Variants in SLC15A5 observed in about 807,000 individuals in gnomAD.
SLC15A5 encodes the protein Peptide/histidine transporter ENSP00000340402.
A neutral mutation model predicts 56.1 loss-of-function variants in SLC15A5; 58 were observed. That is an observed-to-expected ratio of 1.03 (90% CI 0.84 to 1.29). SLC15A5 has a LOEUF of 1.29. Ranked by LOEUF, SLC15A5 falls within the 50% of genes most tolerant of loss-of-function variation. The pLI, the probability that SLC15A5 is intolerant of heterozygous loss-of-function variation, is 0.00. For synonymous variants in SLC15A5, 264 were observed against 250.5 expected, an observed-to-expected ratio of 1.05 and a Z score of -0.51; for missense variants, 681 against 672.1, an observed-to-expected ratio of 1.01 and a Z score of -0.15.
rs150954008 is a variant in SLC15A5, at chr12:16,235,728, T to C, written c.1162+3953A>G. 6.6e-4 allele frequency among the ~76,000 whole-genome samples: 101 copies of C among 152,280 alleles called. No homozygotes were observed. Among genetic ancestry groups the C allele is most frequent in the African/African-American group, 2.3e-3 (97 of 41,578 alleles). On this transcript the variant is annotated intron_variant, in intron 5 of 8. Transcript: ENST00000344941. This position sits in a 1 kb window ranked among gnomAD's most constrained non-coding sequence, Gnocchi z 4.1. ...TACCATGATGTTTCTTGGGAAAATATATCAGTTTGAAAGCTGTATCAAAAA... is the reference window on the plus strand; with the variant it reads ...TACCATGATGTTTCTTGGGAAAATACATCAGTTTGAAAGCTGTATCAAAAA...
chr12:16,245,159 A>G (rs941639817), intron 3 of SLC15A5, among the ~76,000 whole-genome samples: 3 of 152,266 alleles, frequency 2.0e-5, no homozygotes, highest in African/African-American at 7.2e-5. Flanking sequence ...TTTCTTTAAC[A>G]TCCTTAACAC....
intron 7 of SLC15A5, among the ~76,000 whole-genome samples, chr12:16,212,802 C>A (rs955571625): frequency 6.7e-6 from 1 of 149,264 alleles, no homozygotes; most frequent in Non-Finnish European, 1.5e-5. Flanking sequence ...TTAGTAATTC[C>A]CTGGATGACA....
At chr12:16,253,893 G>A (rs1464545864) in intron 3 of SLC15A5, among the ~76,000 whole-genome samples, 1 of 152,046 alleles carries the variant, frequency 6.6e-6, no homozygotes, top group African/African-American at 2.4e-5. Flanking sequence ...AAACTTTAAA[G>A]TAGAATTACT....
chr12:16,223,203 A>G (rs1298805745), intron 6 of SLC15A5, among the ~76,000 whole-genome samples: 1 of 152,178 alleles, frequency 6.6e-6, no homozygotes, highest in Non-Finnish European at 1.5e-5. Flanking sequence ...ATCATTGAAG[A>G]TTGTAGACAC....
At chr12:16,252,217 A>G (rs1455418340) in intron 3 of SLC15A5, among the ~76,000 whole-genome samples, 1 of 152,056 alleles carries the variant, frequency 6.6e-6, no homozygotes, top group Admixed American at 6.6e-5. Context: ...ACTCAATGGG[A>G]AAGACTGAAT....
intron 6 of SLC15A5, among the ~76,000 whole-genome samples, chr12:16,223,564 C>A (rs1004738439): frequency 6.6e-6 from 1 of 151,976 alleles, no homozygotes; most frequent in Non-Finnish European, 1.5e-5. Context: ...TTATTTTGAA[C>A]CTGTCTTATG....
In SLC15A5 at chr12:16,238,343, G is replaced by T. The variant is rs117089432; in HGVS notation, c.1162+1338C>A. The stretch of plus-strand genomic sequence containing the variant: ...CTCCTAAGTCTCTTAATAAGAACAG[G>T]TTGGCCGGGCGTGGTGGCTCACACC... On this transcript the variant is annotated intron_variant, in intron 5 of 8. Coordinates refer to ENST00000344941, the MANE Select transcript of SLC15A5 (RefSeq NM_001170798.1). Among the ~76,000 whole-genome samples the T allele has an allele frequency of 1.4e-3, 218 of 152,002 alleles. 6 individuals carry two copies. The East Asian group carries it at 0.027, about 19-fold the overall frequency.
intron 3 of SLC15A5, among the ~76,000 whole-genome samples, chr12:16,256,366 A>G (rs539072051): frequency 1.3e-5 from 2 of 152,286 alleles, no homozygotes; most frequent in Admixed American, 6.5e-5. Context: ...CTCTGCAAAA[A>G]CAGACATTAT....
At chr12:16,193,780 G>GGAGAGAGAGAGAGAGAGAGA (rs766458422) in intron 8 of SLC15A5, among the ~76,000 whole-genome samples, 3 of 75,692 alleles carry the variant, frequency 4.0e-5, no homozygotes, top group African/African-American at 1.5e-4. Context: ...TATGTCAAGG[G>GGAGAGAGAGAGAGAGAGAGA]GAGAGAGAGA....
intron 5 of SLC15A5, among the ~76,000 whole-genome samples, chr12:16,227,495 G>A (rs181716696): frequency 6.6e-6 from 1 of 152,274 alleles, no homozygotes; most frequent in Non-Finnish European, 1.5e-5. Flanking sequence ...TTGCTAGTTG[G>A]AGAGGTGAGA....
At chr12:16,257,669 C>A in intron 3 of SLC15A5, 32 bp downstream of exon 3, 5 of 1,373,820 alleles carry the variant, frequency 3.6e-6, no homozygotes, top group South Asian at 1.8e-5. Flanking sequence ...CAATATAAAC[C>A]CAGAAATCAA....
In SLC15A5 at chr12:16,244,628, A is replaced by G; in HGVS notation, c.927T>C (p.Leu309=). Residue 309 remains leucine, a synonymous_variant, in exon 4 of 9, where the codon CTT becomes CTC. Coordinates refer to ENST00000344941, the MANE Select transcript of SLC15A5 (RefSeq NM_001170798.1). ...GGAGCTGAAAAATGAAGAGAGGGAG[A>G]AGGGTGAGGAAAAATGTTGTGTCTT... ...HVEDTTFFLT[L]LPLFIFQLLY... is the part of the protein sequence containing the mutation. 1 of 1,537,558 alleles carries G rather than the reference A, an allele frequency of 6.5e-7. No individual in the cohort carries two copies. Among genetic ancestry groups the G allele is most frequent in the Admixed American group, 2.0e-5 (1 of 50,984 alleles).
intron 6 of SLC15A5, among the ~76,000 whole-genome samples, chr12:16,220,781 A>T (rs1393240575): frequency 1.3e-5 from 2 of 152,168 alleles, no homozygotes; most frequent in Non-Finnish European, 2.9e-5. Flanking sequence ...CTACTCAACC[A>T]CAGAGATGCT....
intron 7 of SLC15A5, among the ~76,000 whole-genome samples, chr12:16,195,988 G>A (rs1473182980): frequency 1.3e-5 from 2 of 151,976 alleles, no homozygotes; most frequent in African/African-American, 4.8e-5. Context: ...ACGGTAAAGT[G>A]CAACTTACAA....
rs574124708 is a variant in SLC15A5 at position 16,255,784 on chromosome 12, C to T, written c.754+1917G>A. ...ATTATAAAATGATCCCTAAACTATACTAAGTAAAAAAAAAGCAAGTGAGAA... is the reference window on the plus strand; with the variant it reads ...ATTATAAAATGATCCCTAAACTATATTAAGTAAAAAAAAAGCAAGTGAGAA... On this transcript the variant is annotated intron_variant, in intron 3 of 8. Transcript: ENST00000344941. Among the ~76,000 whole-genome samples, 5 of 146,652 alleles carry T rather than the reference C, an allele frequency of 3.4e-5. No homozygotes were observed. In the East Asian group the frequency reaches 7.7e-4, roughly 23 times the overall value.
chr12:16,218,902 A>T (rs767260717), intron 6 of SLC15A5, among the ~76,000 whole-genome samples: 3 of 152,146 alleles, frequency 2.0e-5, no homozygotes, highest in Non-Finnish European at 4.4e-5. Context: ...CTCTGCATTT[A>T]CCAGAACTTT....
At chr12:16,239,229 T>A (rs993677610) in intron 5 of SLC15A5, among the ~76,000 whole-genome samples, 5 of 125,292 alleles carry the variant, frequency 4.0e-5, no homozygotes, top group Non-Finnish European at 8.7e-5. Flanking sequence ...CTGAGAATGA[T>A]ATCCTAAATT....
Position 16,189,509 on chromosome 12 carries a change from G to T in SLC15A5, c.*159C>A. On this transcript the variant is annotated 3_prime_UTR_variant, in exon 9 of 9. Transcript: ENST00000344941. ...AATGCAAAAGCATGACAGTTTACTA[G>T]AAAATTCATAATTAGTCTTTGTAAA... is the stretch of plus-strand genomic sequence containing the variant. 3.7e-6 allele frequency: 2 copies of T among 533,470 alleles called. No individual in the cohort carries two copies. Among genetic ancestry groups the T allele is most frequent in the Non-Finnish European group, 5.7e-6 (2 of 349,248 alleles). 33.0% of individuals were successfully genotyped at this position (533,470 alleles called of 1,614,324 possible).
intron 2 of SLC15A5, among the ~76,000 whole-genome samples, chr12:16,258,216 G>A (rs1304083695): frequency 6.6e-6 from 1 of 152,172 alleles, no homozygotes; most frequent in Non-Finnish European, 1.5e-5. Context: ...TGGTGCTAAA[G>A]AAGCTATAGA....
Sources: allele counts gnomAD v4.1 joint callset (sites outside exome capture counted in the v4.1 genomes callset), GRCh38; gene constraint gnomAD v4.1.1; non-coding constraint Gnocchi (gnomAD v3.1); transcripts MANE v1.5; gene names NCBI Gene and HGNC (gene_info 2026-07-23, HGNC 2026-07-21).